The following GRID2 variants were observed in gnomAD, a reference collection of about 807,000 sequenced individuals.
GRID2 encodes glutamate receptor ionotropic, delta-2.
A neutral mutation model predicts 114.8 loss-of-function variants in GRID2; 33 were observed. The observed-to-expected ratio is 0.29, with a 90% confidence interval of 0.22 to 0.38. The LOEUF (loss-of-function observed/expected upper bound fraction) is 0.38, where lower values mean the gene tolerates loss of function less well. GRID2 is among the 10% of genes least tolerant of loss of function. The probability of loss-of-function intolerance (pLI) is 1.00; values close to 1 mark genes in which losing one functional copy is unlikely to be tolerated. For missense variants in GRID2, 1,184 were observed against 1,257.7 expected (o/e 0.94, Z 0.89); for synonymous variants, 505 against 449.9 (o/e 1.12, Z -1.55).
chr4:92,575,862 TA>T (rs1357676333), intron 1 of GRID2, among the ~76,000 whole-genome samples: 7 of 152,190 alleles, frequency 4.6e-5, no homozygotes, highest in African/African-American at 1.7e-4. Context: ...AGAGAGAAAT[TA>T]GAACTGTTGG....
intron 2 of GRID2, among the ~76,000 whole-genome samples, chr4:92,678,236 A>G (rs1733478303): frequency 6.6e-6 from 1 of 151,928 alleles, no homozygotes; most frequent in Non-Finnish European, 1.5e-5. Context: ...TCTTAGTAAT[A>G]TTTATCAGCA....
At chr4:93,067,204 A>G (rs1033800421) in intron 2 of GRID2, among the ~76,000 whole-genome samples, 6 of 152,002 alleles carry the variant, frequency 3.9e-5, no homozygotes, top group African/African-American at 1.2e-4. Context: ...TTGCCCAGAA[A>G]CCTAGAGGTA....
chr4:92,766,833 C>G (rs1357931414), intron 2 of GRID2, among the ~76,000 whole-genome samples: 1 of 152,094 alleles, frequency 6.6e-6, no homozygotes, highest in Non-Finnish European at 1.5e-5. Context: ...GGGTTAATAC[C>G]TGTTTCACAG....
intron 2 of GRID2, among the ~76,000 whole-genome samples, chr4:92,942,936 T>C (rs973698612): frequency 1.3e-5 from 2 of 152,210 alleles, no homozygotes; most frequent in Admixed American, 6.5e-5. Context: ...TGCCGAGAGA[T>C]CTGCTGTTAT....
chr4:93,123,744 T>G (rs560673020), intron 4 of GRID2, among the ~76,000 whole-genome samples: 1 of 152,290 alleles, frequency 6.6e-6, no homozygotes, highest in African/African-American at 2.4e-5. Flanking sequence ...ATCCCTAGGT[T>G]ATTCATATCA....
intron 8 of GRID2, among the ~76,000 whole-genome samples, chr4:93,313,158 G>GA (rs1756206868): frequency 6.6e-6 from 1 of 151,606 alleles, no homozygotes; most frequent in South Asian, 2.1e-4. Context: ...AGGCAAATAG[G>GA]AAAAAAATCT....
chr4:93,681,682 G>A (rs575858196), intron 14 of GRID2, among the ~76,000 whole-genome samples: 1 of 152,270 alleles, frequency 6.6e-6, no homozygotes, highest in East Asian at 1.9e-4. Context: ...AATGGGGAAA[G>A]GATTCCCTAT....
At chr4:93,131,187 C>T (rs140709333) in intron 4 of GRID2, among the ~76,000 whole-genome samples, 2,020 of 115,718 alleles carry the variant, frequency 0.017, 58 homozygotes, top group African/African-American at 0.068. Context: ...TGGAGTCTCG[C>T]TGTGTCACCA....
intron 13 of GRID2, among the ~76,000 whole-genome samples, chr4:93,572,611 C>T (rs115602849): frequency 2.0e-5 from 3 of 151,702 alleles, no homozygotes; most frequent in East Asian, 1.9e-4. Context: ...TTAGCTAGGT[C>T]GAAAAAATGA....
chr4:93,593,777 C>G (rs1431008138), intron 13 of GRID2, among the ~76,000 whole-genome samples: 1 of 152,052 alleles, frequency 6.6e-6, no homozygotes, highest in Admixed American at 6.6e-5. Context: ...TTTCTCTAAA[C>G]TTTCCTTCTC....
chr4:93,481,383 C>T (rs76489407), intron 11 of GRID2, among the ~76,000 whole-genome samples: 10,700 of 152,080 alleles, frequency 0.07, 914 homozygotes, highest in African/African-American at 0.2. Context: ...ATTTAATCAG[C>T]AATTAAGCTG....
chr4:93,592,784 T>C (rs190813341), intron 13 of GRID2, among the ~76,000 whole-genome samples: 2 of 152,358 alleles, frequency 1.3e-5, no homozygotes, highest in African/African-American at 4.8e-5. Flanking sequence ...GCTCTTCTTG[T>C]TGAATTGATG....
At chr4:92,493,131 A>C (rs1579461140) in intron 1 of GRID2, among the ~76,000 whole-genome samples, 1 of 151,150 alleles carries the variant, frequency 6.6e-6, no homozygotes, top group African/African-American at 2.4e-5. Flanking sequence ...CCATCTCAAA[A>C]AAAAAAAAAA....
At chr4:93,464,445 C>G (rs563318628) in intron 11 of GRID2, among the ~76,000 whole-genome samples, 1 of 152,148 alleles carries the variant, frequency 6.6e-6, no homozygotes, top group African/African-American at 2.4e-5. Context: ...CCTTAAAACC[C>G]AATTATCATG....
intron 8 of GRID2, among the ~76,000 whole-genome samples, chr4:93,342,560 C>T (rs988299985): frequency 7.2e-5 from 11 of 152,124 alleles, no homozygotes; most frequent in African/African-American, 2.7e-4. Context: ...TCATTGATCA[C>T]TTTATCCCTT....
chr4:92,491,744 TC>T (rs1265317293), intron 1 of GRID2, among the ~76,000 whole-genome samples: 1 of 152,102 alleles, frequency 6.6e-6, no homozygotes, highest in African/African-American at 2.4e-5. Flanking sequence ...TTTTCAATAT[TC>T]TATGATTTCA....
chr4:93,508,886 T>C (rs1446003419), intron 12 of GRID2, among the ~76,000 whole-genome samples: 1 of 152,164 alleles, frequency 6.6e-6, no homozygotes, highest in Non-Finnish European at 1.5e-5. Context: ...ATTCTCCAGG[T>C]AGACAGAGAA....
intron 2 of GRID2, among the ~76,000 whole-genome samples, chr4:92,605,599 A>T (rs933397945): frequency 6.6e-6 from 1 of 152,078 alleles, no homozygotes; most frequent in Non-Finnish European, 1.5e-5. Context: ...CAAACAAAAA[A>T]CCTTTAAGAT....
intron 4 of GRID2, among the ~76,000 whole-genome samples, chr4:93,126,584 C>CTTTTTTTTTTTTTTT (rs60017147): frequency 3.8e-5 from 2 of 52,734 alleles, no homozygotes; most frequent in Admixed American, 3.4e-4. Context: ...CTATTTAATT[C>CTTTTTTTTTTTTTTT]TTTTTTTTTT....
Sources: gnomAD v4.1 joint callset for allele counts (sites outside exome capture counted in the v4.1 genomes callset) on GRCh38, gnomAD v4.1.1 for gene constraint, MANE v1.5 for transcripts, NCBI Gene and HGNC (gene_info 2026-07-23, HGNC 2026-07-21) for gene names.